DSCAM: variants seen among roughly 807,000 people sequenced by gnomAD.
DSCAM encodes the protein cell adhesion molecule DSCAM.
DSCAM carries 47 observed loss-of-function variants against 217.7 expected under a neutral mutation model. The observed-to-expected ratio is 0.22, with a 90% CI of 0.17 to 0.28. DSCAM has a LOEUF of 0.28. Among genes scored for constraint, DSCAM ranks in the 10% least tolerant of loss-of-function variants. The pLI is 1.00. For missense variants in DSCAM, 2,080 were observed against 2,618.3 expected (o/e 0.79, Z 4.49); for synonymous variants, 1,056 against 1,015.3 (o/e 1.04, Z -0.76).
rs943368509 is a variant in DSCAM, at chr21:40,369,091, G to A, written c.655+8C>T. 1 of 1,605,028 alleles carries A rather than the reference G, an allele frequency of 6.2e-7. No homozygotes were observed. The highest frequency in any genetic ancestry group is 1.7e-5 in the Admixed American group (1 of 58,726). ...GACATAGCAGACAGAGTCTTGATAA[G>A]TTTTTACCTGATACAAAAAGTCTGG... On this transcript the variant is annotated splice_region_variant and intron_variant, in intron 4 of 32. Coordinates refer to ENST00000400454, the MANE Select transcript of DSCAM (RefSeq NM_001389.5).
chr21:40,390,257 T>C (rs2075121933), intron 3 of DSCAM, among the ~76,000 whole-genome samples: 1 of 152,224 alleles, frequency 6.6e-6, no homozygotes, highest in African/African-American at 2.4e-5. Context: ...TTGACTCTTC[T>C]TCACTGCACA....
In DSCAM at chr21:40,042,745, C is replaced by T. The variant is rs1444498549; in HGVS notation, c.5384-72G>A. Reference sequence around the variant, plus strand: ...GTCTGAACCAACGGCATGGCCCTTCCTGGCTTGGGGCTGTTTTCTTCCAGA... The same window carrying T: ...GTCTGAACCAACGGCATGGCCCTTCTTGGCTTGGGGCTGTTTTCTTCCAGA... On this transcript the variant is annotated intron_variant, in intron 31 of 32. Transcript: ENST00000400454. The T allele has an allele frequency of 6.3e-6, 9 of 1,435,984 alleles. No individual in the cohort carries two copies. The East Asian group carries it at 2.1e-4, about 33-fold the overall frequency. 89.0% of individuals were successfully genotyped at this position (1,435,984 alleles called of 1,614,324 possible). A position where few individuals can be genotyped will look rare whatever the true frequency, so the allele number is the denominator to read the frequency against.
At chr21:40,598,397 C>T (rs1359507800) in intron 3 of DSCAM, among the ~76,000 whole-genome samples, 7 of 150,950 alleles carry the variant, frequency 4.6e-5, no homozygotes, top group Middle Eastern at 3.5e-3. Context: ...CAGATTTTTA[C>T]GGGGAAATAA....
chr21:40,697,594 C>A (rs1414316725), intron 2 of DSCAM, among the ~76,000 whole-genome samples: 3 of 152,166 alleles, frequency 2.0e-5, no homozygotes, highest in African/African-American at 7.2e-5. Context: ...AGAGCTTGCC[C>A]TTTCCTGAAT....
intron 10 of DSCAM, among the ~76,000 whole-genome samples, chr21:40,282,590 C>CAAAAAAAAAAAAA (rs528248714): frequency 1.2e-4 from 4 of 32,946 alleles, no homozygotes; most frequent in African/African-American, 2.3e-4. Context: ...GACTCTGTCT[C>CAAAAAAAAAAAAA]AAAAAAAAAA....
intron 1 of DSCAM, among the ~76,000 whole-genome samples, chr21:40,762,735 C>T (rs1335288322): frequency 1.3e-5 from 2 of 152,168 alleles, no homozygotes; most frequent in Non-Finnish European, 2.9e-5. Flanking sequence ...CAAACCGAAT[C>T]CAGCAGCACA....
At chr21:40,528,574 A>G (rs2076418217) in intron 3 of DSCAM, among the ~76,000 whole-genome samples, 1 of 152,184 alleles carries the variant, frequency 6.6e-6, no homozygotes, top group African/African-American at 2.4e-5. Flanking sequence ...TGTCTGTGAC[A>G]TTTGCTAGCA....
intron 3 of DSCAM, among the ~76,000 whole-genome samples, chr21:40,605,495 G>T (rs2089221672): frequency 1.3e-5 from 2 of 152,150 alleles, no homozygotes; most frequent in African/African-American, 4.8e-5. Flanking sequence ...AATATTTTTG[G>T]CTTTGAGAGA....
chr21:40,063,011 T>A (rs768797611), intron 27 of DSCAM, 112 bp from the exon 28 acceptor site: 135 of 874,356 alleles, frequency 1.5e-4, no homozygotes, highest in Non-Finnish European at 2.1e-4. Flanking sequence ...TGAAACACAA[T>A]CATATACCCA....
intron 1 of DSCAM, among the ~76,000 whole-genome samples, chr21:40,744,199 G>A (rs2091152042): frequency 6.6e-6 from 1 of 152,158 alleles, no homozygotes; most frequent in African/African-American, 2.4e-5. Context: ...AGGTCTCACT[G>A]CACAGGAACC....
intron 3 of DSCAM, among the ~76,000 whole-genome samples, chr21:40,481,692 A>C (rs533533096): frequency 2.0e-5 from 3 of 152,182 alleles, no homozygotes; most frequent in Non-Finnish European, 4.4e-5. Flanking sequence ...TGATTTTTAA[A>C]GTTCATAATA....
At chr21:40,071,283 A>T (rs1362134666) in intron 27 of DSCAM, among the ~76,000 whole-genome samples, 3 of 151,352 alleles carry the variant, frequency 2.0e-5, no homozygotes, top group African/African-American at 4.9e-5. Context: ...TTATAGATTT[A>T]AAAAAAAATG....
intron 8 of DSCAM, among the ~76,000 whole-genome samples, chr21:40,315,752 A>G (rs1281779279): frequency 6.6e-6 from 1 of 152,242 alleles, no homozygotes; most frequent in African/African-American, 2.4e-5. Flanking sequence ...AATCTCATAC[A>G]CATCACTCCA....
intron 25 of DSCAM, 119 bp from the exon 26 acceptor site, chr21:40,079,096 G>A: frequency 1.7e-6 from 2 of 1,161,190 alleles, no homozygotes; most frequent in Non-Finnish European, 2.4e-6. Flanking sequence ...TCCAAGTCTG[G>A]CTCACAGGCC....
chr21:40,137,066 C>T lies in DSCAM; in HGVS notation c.3407-3057G>A, dbSNP rs149728098. Among the ~76,000 whole-genome samples the T allele has an allele frequency of 1.5e-4, 23 of 149,716 alleles. No individual in the cohort carries two copies. The East Asian group carries it at 4.4e-3, about 29-fold the overall frequency. On this transcript the variant is annotated intron_variant, in intron 18 of 32. Coordinates refer to ENST00000400454, the MANE Select transcript of DSCAM (RefSeq NM_001389.5). ...GTGGGCACCTGTAGTCCCAGGTACT[C>T]GGGGAGGCTGAGGCAAGAGAACGGC...
intron 20 of DSCAM, among the ~76,000 whole-genome samples, chr21:40,117,777 T>C (rs1007342637): frequency 2.0e-5 from 3 of 152,204 alleles, no homozygotes; most frequent in African/African-American, 7.2e-5. Flanking sequence ...TGGGTCACCA[T>C]AGGGCAAGTT....
chr21:40,053,173 C>T (rs574975889), intron 29 of DSCAM, among the ~76,000 whole-genome samples: 7 of 152,328 alleles, frequency 4.6e-5, no homozygotes, highest in African/African-American at 1.7e-4. Context: ...TCCAATTACT[C>T]AGTCTCTGGC....
chr21:40,404,852 G>A (rs552247113), intron 3 of DSCAM, among the ~76,000 whole-genome samples: 2 of 152,160 alleles, frequency 1.3e-5, no homozygotes, highest in Non-Finnish European at 2.9e-5. Flanking sequence ...TTCAATGGAT[G>A]GATCATCTTT....
intron 11 of DSCAM, among the ~76,000 whole-genome samples, chr21:40,256,986 T>C (rs1289150907): frequency 2.6e-5 from 4 of 152,194 alleles, no homozygotes; most frequent in African/African-American, 9.6e-5. Context: ...GCAAAGTCCT[T>C]TGGTGATGTT....
Sources: allele counts gnomAD v4.1 joint callset (sites outside exome capture counted in the v4.1 genomes callset), GRCh38; gene constraint gnomAD v4.1.1; transcripts MANE v1.5; gene names NCBI Gene and HGNC (gene_info 2026-07-23, HGNC 2026-07-21).